The following MGAM variants were observed in gnomAD, a reference collection of about 807,000 sequenced individuals.
The protein encoded by MGAM is maltase-glucoamylase.
In MGAM, 253 loss-of-function variants were observed where a neutral mutation model predicts 358.8. The observed-to-expected ratio is 0.71, with a 90% CI of 0.64 to 0.78. The LOEUF (loss-of-function observed/expected upper bound fraction) is 0.78. MGAM is among the 30% of genes least tolerant of loss of function. The probability of loss-of-function intolerance (pLI) is 0.00; values close to 1 mark genes in which losing one functional copy is unlikely to be tolerated. For synonymous variants in MGAM, 1,105 were observed against 1,227.1 expected (o/e 0.90, Z 2.08); for missense variants, 3,080 against 3,432.6 (o/e 0.90, Z 2.57).
chr7:142,052,851 A>G lies in MGAM; in HGVS notation c.3026A>G (p.Gln1009Arg), dbSNP rs1369336045. Residue 1009 changes from glutamine to arginine, a missense_variant, in exon 26 of 71, where the codon CAG (glutamine) becomes CGG (arginine). By Grantham distance (43) the Gln-to-Arg change is conservative. Transcript: ENST00000475668. The stretch of plus-strand genomic sequence containing the variant: ...GACCTATACTCTGTCAGTGATGTTC[A>G]GTATAATTCCCATGGGGCCACAGCT... ...VNDLYSVSDV[Q>R]YNSHGATADI... The G allele has an allele frequency of 3.1e-6, 5 of 1,613,784 alleles. No homozygotes were observed. The highest frequency in any genetic ancestry group is 2.7e-5 in the African/African-American group (2 of 74,882).
chr7:142,076,753 G>A lies in MGAM; in HGVS notation c.5420G>A (p.Ser1807Asn). ...EIKILGMEEPSNVTVKHNGVP... is the reference protein window; with the variant it reads ...EIKILGMEEPNNVTVKHNGVP... Reference sequence around the variant, plus strand: ...AAAATTCTTGGGATGGAGGAACCTAGCAATGTTACGGTGAAACACAATGGT... The same window carrying A: ...AAAATTCTTGGGATGGAGGAACCTAACAATGTTACGGTGAAACACAATGGT... Residue 1807 changes from serine (S) to asparagine (N), a missense_variant, in exon 47 of 71, where the codon AGC (serine) becomes AAC (asparagine). This residue lies in a region of MGAM where 932 missense variants were observed against 1,198.2 expected (regional missense o/e 0.78). Coordinates refer to ENST00000475668, the MANE Select transcript of MGAM (RefSeq NM_001365693.1). 2 of 1,554,576 alleles carry A rather than the reference G, an allele frequency of 1.3e-6. 1 individual carries two copies. Among genetic ancestry groups the A allele is most frequent in the South Asian group, 2.2e-5 (2 of 89,172 alleles).
chr7:142,011,520 A>T (rs1805595030), intron 3 of MGAM, among the ~76,000 whole-genome samples: 1 of 152,108 alleles, frequency 6.6e-6, no homozygotes. Context: ...TAATGTAGCC[A>T]TTGGTCAAGT....
Position 142,100,830 on chromosome 7 carries a change from G to T in MGAM, c.7903G>T (p.Ala2635Ser), listed in dbSNP as rs1383850235. 1 of 1,612,998 alleles carries T rather than the reference G, an allele frequency of 6.2e-7. No individual in the cohort carries two copies. The highest frequency in any genetic ancestry group is 1.1e-5 in the South Asian group (1 of 90,652). Reference protein sequence around the residue: ...SRQKFMGFKIALDDEGTAGGW... With the variant: ...SRQKFMGFKISLDDEGTAGGW... ...CCAGAAATTCATGGGCTTCAAAATT[G>T]CCTTGGATGATGAAGGAACTGCTGG... Residue 2635 changes from alanine (A) to serine (S), a missense_variant, in exon 68 of 71, where the codon GCC becomes TCC. By Grantham distance (99) the Ala-to-Ser change is moderately conservative. This residue lies in a region of MGAM where 194 missense variants were observed against 172.8 expected (regional missense o/e 1.12). Transcript: ENST00000475668.
intron 4 of MGAM, among the ~76,000 whole-genome samples, chr7:142,019,558 A>G (rs1287828872): frequency 6.6e-6 from 1 of 152,240 alleles, no homozygotes; most frequent in African/African-American, 2.4e-5. Flanking sequence ...ATGGACCTTC[A>G]TGACTGCAAT....
chr7:142,040,608 C>T (rs73153960), intron 20 of MGAM, 114 bp from the exon 21 acceptor site: 67,013 of 1,344,440 alleles, frequency 0.05, 2,052 homozygotes, highest in Middle Eastern at 0.14. Flanking sequence ...CTGGCTAGAC[C>T]ATAATTCAGC....
chr7:142,102,549 T>C, intron 68 of MGAM, 81 bp from the exon 69 acceptor site: 1 of 1,327,284 alleles, frequency 7.5e-7, no homozygotes, highest in Middle Eastern at 1.8e-4. Flanking sequence ...AGTAGGCAAT[T>C]AGAACAGCAT....
At chr7:141,994,739 C>T (rs1478320850), upstream of MGAM, among the ~76,000 whole-genome samples, 2 of 152,172 alleles carry the variant, frequency 1.3e-5, no homozygotes, top group Non-Finnish European at 2.9e-5. Context: ...GGTGAGTTCT[C>T]ATGAGATCTG....
At chr7:142,036,726 G>T in intron 17 of MGAM, 97 bp from the exon 18 acceptor site, 1 of 1,339,370 alleles carries the variant, frequency 7.5e-7, no homozygotes. Context: ...CATTCAGGAG[G>T]GAAATTCTTG....
At chr7:142,062,037 G>C (rs1812252942) in intron 34 of MGAM, among the ~76,000 whole-genome samples, 1 of 152,174 alleles carries the variant, frequency 6.6e-6, no homozygotes, top group African/African-American at 2.4e-5. Flanking sequence ...CTCAATTTAT[G>C]TTACACACAG....
In MGAM at chr7:142,059,560, A is replaced by G. The variant is rs199746207; in HGVS notation, c.3908A>G (p.Asn1303Ser). ...PKFAGFPALINRMKADGMRVI... is the reference protein window; with the variant it reads ...PKFAGFPALISRMKADGMRVI... ...TTTGCTGGGTTTCCAGCTCTGATCAATCGCATGAAGGCTGATGGGATGCGG... is the reference window on the plus strand; with the variant it reads ...TTTGCTGGGTTTCCAGCTCTGATCAGTCGCATGAAGGCTGATGGGATGCGG... The change falls in exon 32 of 71, where the codon AAT (asparagine) becomes AGT (serine). Residue 1303 changes from asparagine (N) to serine (S), a missense_variant. Physicochemically the swap from Asn to Ser is conservative, Grantham distance 46. This residue lies in a region of MGAM where 1,816 missense variants were observed against 1,840.5 expected (regional missense o/e 0.99). Transcript: ENST00000475668. The G allele has an allele frequency of 2.0e-5, 33 of 1,612,904 alleles. No individual in the cohort carries two copies. The African/African-American group carries it at 2.1e-4, about 10-fold the overall frequency.
chr7:142,099,234 C>T (rs1416609166), intron 66 of MGAM, among the ~76,000 whole-genome samples: 2 of 152,144 alleles, frequency 1.3e-5, no homozygotes, highest in East Asian at 1.9e-4. Context: ...ATAGCCCCAT[C>T]GCCAGAGAAT....
chr7:142,080,750 A>C, intron 49 of MGAM, 41 bp from the exon 50 acceptor site: 1 of 1,504,334 alleles, frequency 6.6e-7, no homozygotes, highest in South Asian at 1.2e-5. Flanking sequence ...ATAGGTTTCA[A>C]GAGTAGTATT....
intron 18 of MGAM, among the ~76,000 whole-genome samples, chr7:142,037,829 G>A (rs1321502821): frequency 1.3e-5 from 2 of 152,222 alleles, no homozygotes; most frequent in Middle Eastern, 3.4e-3. Context: ...ATAAGTGTGC[G>A]ATGTGAAATA....
chr7:142,041,056 C>CTG lies in MGAM; in HGVS notation c.2498+211_2498+212dup, dbSNP rs1262013303. Among the ~76,000 whole-genome samples the CTG allele has an allele frequency of 3.3e-5, 5 of 152,264 alleles. No homozygotes were observed. In the South Asian group the frequency reaches 1.0e-3, roughly 32 times the overall value. ...GATCCCTCTGTCTGCCTTGGCCACA[C>CTG]TGCATCCATGTTTCTTTACCCTTGA... On this transcript the variant is annotated intron_variant, in intron 21 of 70. Coordinates refer to ENST00000475668, the MANE Select transcript of MGAM (RefSeq NM_001365693.1).
intron 20 of MGAM, 196 bp from the exon 21 acceptor site, chr7:142,040,526 A>T (rs1808417032): frequency 2.9e-6 from 2 of 680,972 alleles, no homozygotes; most frequent in African/African-American, 1.8e-5. Context: ...CATGGCATAA[A>T]TTTTTTCACA....
chr7:142,098,114 T>C (rs1816109298), intron 66 of MGAM, among the ~76,000 whole-genome samples: 1 of 152,176 alleles, frequency 6.6e-6, no homozygotes, highest in Non-Finnish European at 1.5e-5. Context: ...TGCACATAAT[T>C]ACCTAAGGTA....
intron 2 of MGAM, among the ~76,000 whole-genome samples, chr7:142,007,771 G>A (rs1805285973): frequency 1.3e-5 from 2 of 152,096 alleles, no homozygotes; most frequent in Non-Finnish European, 1.5e-5. Flanking sequence ...TTTTAGAGTG[G>A]TGGCCTCCCT....
chr7:141,998,469 A>G (rs1015036580), intron 1 of MGAM, among the ~76,000 whole-genome samples: 2 of 152,022 alleles, frequency 1.3e-5, no homozygotes, highest in Admixed American at 1.3e-4. Flanking sequence ...ATGTGTTCTC[A>G]TTGTTCAACT....
intron 3 of MGAM, among the ~76,000 whole-genome samples, chr7:142,018,046 A>T (rs1806109351): frequency 6.6e-6 from 1 of 152,180 alleles, no homozygotes; most frequent in Non-Finnish European, 1.5e-5. Flanking sequence ...TTAGTTATCT[A>T]TTGCTGTGTA....
Sources: allele counts gnomAD v4.1 joint callset (sites outside exome capture counted in the v4.1 genomes callset), GRCh38; gene constraint gnomAD v4.1.1; regional missense constraint gnomAD v4.1.1; transcripts MANE v1.5; gene names NCBI Gene and HGNC (gene_info 2026-07-23, HGNC 2026-07-21).